The following NFAM1 variants were observed in gnomAD, a reference collection of about 807,000 sequenced individuals.
The protein encoded by NFAM1 is NFAT activating protein with ITAM motif 1.
Under a neutral mutation model 29.0 loss-of-function variants are expected in NFAM1, and 17 were observed. The observed-to-expected ratio is 0.59, with a 90% CI of 0.40 to 0.88. The LOEUF is 0.88. NFAM1 is among the 40% of genes least tolerant of loss of function. The pLI, the probability that NFAM1 is intolerant of heterozygous loss-of-function variation, is 0.00. For missense variants in NFAM1, 324 were observed against 344.6 expected, an observed-to-expected ratio of 0.94 and a Z score of 0.47; for synonymous variants, 175 against 147.2, an observed-to-expected ratio of 1.19 and a Z score of -1.36.
chr22:42,409,348 C>T lies in NFAM1; in HGVS notation c.564+87G>A. ...AGATGTGGATGTGCCCTCACCAGGGCCCACCAAACGCCCTGCAGAGGGCAG... is the reference window on the plus strand; with the variant it reads ...AGATGTGGATGTGCCCTCACCAGGGTCCACCAAACGCCCTGCAGAGGGCAG... On this transcript the variant is annotated intron_variant, in intron 3 of 5. Transcript: ENST00000329021. This position sits in a 1 kb window ranked among gnomAD's most constrained non-coding sequence, Gnocchi z 4.9. 1.5e-6 allele frequency: 1 copy of T among 651,838 alleles called. No homozygotes were observed. 40.4% of individuals were successfully genotyped at this position (651,838 alleles called of 1,614,324 possible). A position where few individuals can be genotyped will look rare whatever the true frequency, so the allele number is the denominator to read the frequency against.
chr22:42,399,478 A>AAGAG (rs1000499325), intron 3 of NFAM1, among the ~76,000 whole-genome samples: 1 of 150,014 alleles, frequency 6.7e-6, no homozygotes, highest in Non-Finnish European at 1.5e-5. Context: ...GAAAGAAAAA[A>AAGAG]AGAGAGAGAG....
chr22:42,425,731 T>G (rs1487968691), intron 1 of NFAM1, among the ~76,000 whole-genome samples: 1 of 152,196 alleles, frequency 6.6e-6, no homozygotes, highest in African/African-American at 2.4e-5. Context: ...ACGCCCAGCC[T>G]TCCTGAGCCC....
At chr22:42,415,253 C>CCA (rs1448012204) in intron 1 of NFAM1, among the ~76,000 whole-genome samples, 7 of 151,852 alleles carry the variant, frequency 4.6e-5, no homozygotes, top group African/African-American at 1.7e-4. Flanking sequence ...ATGTAGCTCA[C>CCA]CACCTCCCCT....
At chr22:42,403,481 G>A (rs961649195) in intron 3 of NFAM1, among the ~76,000 whole-genome samples, 1 of 152,078 alleles carries the variant, frequency 6.6e-6, no homozygotes, top group Non-Finnish European at 1.5e-5. Context: ...TCCGCCTCTC[G>A]GCTAATTTGT....
In NFAM1 at chr22:42,386,746, C is replaced by T. The variant is rs543770811; in HGVS notation, c.753+243G>A. Among the ~76,000 whole-genome samples, 4 of 152,302 alleles carry T rather than the reference C, an allele frequency of 2.6e-5. No homozygotes were observed. In the South Asian group the frequency reaches 8.3e-4, roughly 32 times the overall value. ...GTACTGTTAGGTTGCTCAATCTGCA[C>T]ACAAGGAGATTCAGACACAGAGAAG... is the stretch of plus-strand genomic sequence containing the variant. On this transcript the variant is annotated intron_variant, in intron 5 of 5. Transcript: ENST00000329021.
intron 1 of NFAM1, among the ~76,000 whole-genome samples, chr22:42,423,292 G>A (rs1254051286): frequency 2.6e-5 from 4 of 152,200 alleles, no homozygotes; most frequent in Admixed American, 6.5e-5. Context: ...GTGGGCTGCA[G>A]GAGTCCAGAC....
At chr22:42,405,749 T>C (rs1929875689) in intron 3 of NFAM1, among the ~76,000 whole-genome samples, 1 of 152,142 alleles carries the variant, frequency 6.6e-6, no homozygotes, top group African/African-American at 2.4e-5. Context: ...CACAGAGCCC[T>C]CCTGGACTTC....
intron 1 of NFAM1, among the ~76,000 whole-genome samples, chr22:42,429,711 C>A (rs961483455): frequency 7.9e-5 from 12 of 152,376 alleles, no homozygotes; most frequent in African/African-American, 2.4e-4. Flanking sequence ...GGATACGATG[C>A]AGAATCAGGG....
Position 42,411,019 on chromosome 22 carries a change from C to CTTTTTTTTTTTTTTTTTTTTTTTT in NFAM1, c.451+387_451+388insAAAAAAAAAAAAAAAAAAAAAAAA, listed in dbSNP as rs138369373. On this transcript the variant is annotated intron_variant, in intron 2 of 5. Transcript: ENST00000329021. ...AACCATTCTCTATTTCTTTTCTTTT[C>CTTTTTTTTTTTTTTTTTTTTTTTT]TTTTTTTTTTTTTTTTTTTTTTGAG... Among the ~76,000 whole-genome samples the CTTTTTTTTTTTTTTTTTTTTTTTT allele has an allele frequency of 2.5e-5, 3 of 121,776 alleles. 1 individual carries two copies. Among genetic ancestry groups the CTTTTTTTTTTTTTTTTTTTTTTTT allele is most frequent in the African/African-American group, 1.0e-4 (3 of 30,072 alleles). The allele number at this position is 121,776 out of a possible 152,430, so 79.9% of individuals were successfully genotyped here. A position where few individuals can be genotyped will look rare whatever the true frequency, so the allele number is the denominator to read the frequency against.
chr22:42,436,827 A>G (rs1020060776), upstream of NFAM1: 1 of 211,346 alleles, frequency 4.7e-6, no homozygotes, highest in Non-Finnish European at 8.2e-6. Context: ...GCAGTGGAAC[A>G]AGGGCTCCAG....
At chr22:42,437,693 A>T in the NFAM1 span, among the ~76,000 whole-genome samples, 4 of 152,084 alleles carry the variant, frequency 2.6e-5, no homozygotes, top group Non-Finnish European at 5.9e-5. Context: ...CTCACCTGAG[A>T]TTTCCTCTCC....
At position 42,381,710 on chromosome 22, in the gene NFAM1, G is replaced by A. The variant is rs11090093; in HGVS notation, c.*3451C>T. ...CCTAGGCCTCACCTACTCCACTCAA[G>A]CCACCCCATCCCCCTTAGCTTTTCC... is the stretch of plus-strand genomic sequence containing the variant. On this transcript the variant is annotated 3_prime_UTR_variant, in exon 6 of 6. Coordinates refer to ENST00000329021, the MANE Select transcript of NFAM1 (RefSeq NM_145912.8). 0.54 allele frequency: 83,265 copies of A among 153,248 alleles called. 25,051 individuals are homozygous for A. Among genetic ancestry groups the A allele is most frequent in the African/African-American group, 0.82 (34,019 of 41,494 alleles). The allele number at this position is 153,248 out of a possible 1,614,324, so 9.5% of individuals were successfully genotyped here.
At chr22:42,436,083 G>T (rs1203794242), upstream of NFAM1, among the ~76,000 whole-genome samples, 1 of 152,138 alleles carries the variant, frequency 6.6e-6, no homozygotes, top group African/African-American at 2.4e-5. Flanking sequence ...GCCTCCCGAA[G>T]TGCTGGGACT....
intron 3 of NFAM1, among the ~76,000 whole-genome samples, chr22:42,404,540 C>T (rs1397055927): frequency 6.6e-6 from 1 of 152,058 alleles, no homozygotes; most frequent in Non-Finnish European, 1.5e-5. Context: ...TCACATCAGC[C>T]GTTCTCCCCA....
intron 1 of NFAM1, among the ~76,000 whole-genome samples, chr22:42,417,261 G>A (rs943943427): frequency 1.1e-4 from 16 of 152,184 alleles, no homozygotes; most frequent in Admixed American, 7.9e-4. Flanking sequence ...GAACTGGGAC[G>A]CATTTGTGAC....
chr22:42,437,093 G>C, upstream of NFAM1: 1 of 493,734 alleles, frequency 2.0e-6, no homozygotes, highest in Non-Finnish European at 2.6e-6. Context: ...GAATCTTCAA[G>C]ATCTGGAAGA....
rs12484310 is a variant in NFAM1, at chr22:42,381,408, G to A, written c.*3753C>T. ...GCAGGGATGCCTGGGGGTGCCAGAC[G>A]TGGCTGAGATGTTTCTGCAGAGGGG... On this transcript the variant is annotated 3_prime_UTR_variant, in exon 6 of 6. Transcript: ENST00000329021. The A allele has an allele frequency of 0.26, 40,365 of 152,612 alleles. 6,502 individuals carry two copies. Among genetic ancestry groups the A allele is most frequent in the Admixed American group, 0.38 (5,738 of 15,282 alleles). 9.5% of individuals were successfully genotyped at this position (152,612 alleles called of 1,614,324 possible). A position where few individuals can be genotyped will look rare whatever the true frequency, so the allele number is the denominator to read the frequency against.
At position 42,388,873 on chromosome 22, in the gene NFAM1, C is replaced by T. The variant is rs985575152; in HGVS notation, c.664-1795G>A. On this transcript the variant is annotated intron_variant, in intron 4 of 5. Transcript: ENST00000329021. This position sits in a 1 kb window ranked among gnomAD's most constrained non-coding sequence, Gnocchi z 4.1. ...TTGTAGGAAAGGGACCAGGGCTGCC[C>T]CAGGAAGAAGCCTCATTTGGAATGG... Among the ~76,000 whole-genome samples, 1 of 152,100 alleles carries T rather than the reference C, an allele frequency of 6.6e-6. No homozygotes were observed. The highest frequency in any genetic ancestry group is 1.5e-5 in the Non-Finnish European group (1 of 68,012).
In NFAM1 at chr22:42,384,756, C is replaced by G. The variant is rs951659571; in HGVS notation, c.*405G>C. On this transcript the variant is annotated 3_prime_UTR_variant, in exon 6 of 6. Transcript: ENST00000329021. ...CACTGCTAGGCGCCCCTGCAGGGTC[C>G]TCCCTCAGCTCAGAGGCTGCCCTAC... The G allele has an allele frequency of 5.2e-5, 13 of 252,022 alleles. No individual in the cohort carries two copies. The highest frequency in any genetic ancestry group is 2.9e-4 in the African/African-American group (13 of 44,478). The allele number at this position is 252,022 out of a possible 1,614,324, so 15.6% of individuals were successfully genotyped here.
Sources: allele counts gnomAD v4.1 joint callset (sites outside exome capture counted in the v4.1 genomes callset), GRCh38; gene constraint gnomAD v4.1.1; non-coding constraint Gnocchi (gnomAD v3.1); transcripts MANE v1.5; gene names NCBI Gene and HGNC (gene_info 2026-07-23, HGNC 2026-07-21).